Variants in DNAJA4 observed in about 807,000 individuals in gnomAD.
The protein encoded by DNAJA4 is dnaJ homolog subfamily A member 4.
Under a neutral mutation model 39.7 loss-of-function variants are expected in DNAJA4, and 32 were observed. The ratio of observed to expected loss-of-function variants is 0.81; its 90% CI spans 0.61 to 1.08. DNAJA4 has a LOEUF of 1.08. Among genes scored for constraint, DNAJA4 ranks in the 50% least tolerant of loss-of-function variants. The pLI is 0.00. For missense variants in DNAJA4, 439 were observed against 505.1 expected (o/e 0.87, Z 1.25); for synonymous variants, 184 against 182.4 (o/e 1.01, Z -0.07).
In DNAJA4 at chr15:78,281,513, C is replaced by T. The variant is rs1443194415; in HGVS notation, c.*1053C>T. On this transcript the variant is annotated 3_prime_UTR_variant, in exon 7 of 7. Transcript: ENST00000394852. Reference sequence around the variant, plus strand: ...TGCTCAAGTGATGTTTTGGTAAGAACTTCGCTGAGTTCCACTGTGGATTAC... The same window carrying T: ...TGCTCAAGTGATGTTTTGGTAAGAATTTCGCTGAGTTCCACTGTGGATTAC... 6 of 152,236 alleles carry T rather than the reference C, an allele frequency of 3.9e-5. No individual in the cohort carries two copies. The highest frequency in any genetic ancestry group is 1.5e-5 in the Non-Finnish European group (1 of 68,054). The allele number at this position is 152,236 out of a possible 1,614,324, so 9.4% of individuals were successfully genotyped here.
At chr15:78,277,453 T>C (rs1490694697) in intron 5 of DNAJA4, among the ~76,000 whole-genome samples, 1 of 152,178 alleles carries the variant, frequency 6.6e-6, no homozygotes, top group Non-Finnish European at 1.5e-5. Flanking sequence ...AAATTTAAAA[T>C]AAAACACCTT....
At chr15:78,274,996 T>C (rs2049409503) in intron 4 of DNAJA4, 1 of 174,774 alleles carries the variant, frequency 5.7e-6, no homozygotes, top group Admixed American at 5.5e-5. Context: ...AGTAAATATA[T>C]CCTAGATCAG....
chr15:78,264,223 C>A (rs1018401464), upstream of DNAJA4: 4 of 949,046 alleles, frequency 4.2e-6, no homozygotes, highest in Non-Finnish European at 5.7e-6. Context: ...GCTCCACGGA[C>A]CCACGGAAGG....
chr15:78,272,440 T>C (rs574342304), intron 2 of DNAJA4, among the ~76,000 whole-genome samples: 1 of 152,336 alleles, frequency 6.6e-6, no homozygotes, highest in East Asian at 1.9e-4. Flanking sequence ...TCTCTCAAAG[T>C]TGGCAGCCAG....
chr15:78,265,191 G>A lies in DNAJA4; in HGVS notation c.132+296G>A, dbSNP rs139531610. ...CACAAGTGTTTGGGTAGCCCCTGCCGTGCGCGCCGGACTAGTTCTCATAGG... is the reference window on the plus strand; with the variant it reads ...CACAAGTGTTTGGGTAGCCCCTGCCATGCGCGCCGGACTAGTTCTCATAGG... On this transcript the variant is annotated intron_variant, in intron 1 of 6. Transcript: ENST00000394852. Among the ~76,000 whole-genome samples, 79 of 152,344 alleles carry A rather than the reference G, an allele frequency of 5.2e-4. 1 individual carries two copies. The East Asian group carries it at 7.7e-3, about 15-fold the overall frequency.
At position 78,264,681 on chromosome 15, in the gene DNAJA4, G is replaced by C; in HGVS notation, c.-83G>C. ...ACGCGCGAGCGGGCGGCGGGGGCGC[G>C]GGCCAGGGGCGCGGGCCAGGGTGCC... On this transcript the variant is annotated 5_prime_UTR_variant, in exon 1 of 7. Transcript: ENST00000394852. 9.7e-7 allele frequency: 1 copy of C among 1,033,316 alleles called. No homozygotes were observed. The highest frequency in any genetic ancestry group is 1.2e-6 in the Non-Finnish European group (1 of 858,234). The allele number at this position is 1,033,316 out of a possible 1,614,324, so 64.0% of individuals were successfully genotyped here.
In DNAJA4 at chr15:78,270,628, C is replaced by T; in HGVS notation, c.264C>T (p.Ile88=). Reference sequence around the variant, plus strand: ...CCAGCTTCTCTTCACCCATGGACATCTTTGACATGTTCTTTGGTGGTGGTG... The same window carrying T: ...CCAGCTTCTCTTCACCCATGGACATTTTTGACATGTTCTTTGGTGGTGGTG... ...GSPSFSSPMD[I]FDMFFGGGGR... is the part of the protein sequence containing the mutation. Residue 88 remains isoleucine (I), a synonymous_variant, in exon 2 of 7, where the codon ATC becomes ATT. Coordinates refer to ENST00000394852, the MANE Select transcript of DNAJA4 (RefSeq NM_001130182.2). The T allele has an allele frequency of 2.5e-6, 4 of 1,614,180 alleles. No individual in the cohort carries two copies. The highest frequency in any genetic ancestry group is 3.4e-6 in the Non-Finnish European group (4 of 1,180,034).
chr15:78,264,511 A>G, upstream of DNAJA4: 1 of 1,236,162 alleles, frequency 8.1e-7, no homozygotes. Context: ...CTCCTTGCGG[A>G]AGCTTCCGCC....
chr15:78,272,661 A>G (rs1272377633), intron 2 of DNAJA4, among the ~76,000 whole-genome samples: 1 of 152,240 alleles, frequency 6.6e-6, no homozygotes, highest in East Asian at 1.9e-4. Flanking sequence ...CAGAAAGTAA[A>G]GTGCTTTATG....
upstream of DNAJA4, chr15:78,264,327 G>A: frequency 7.0e-7 from 1 of 1,418,860 alleles, no homozygotes; most frequent in Non-Finnish European, 9.2e-7. Context: ...GCCCGGGGCG[G>A]CAGTCAGAGC....
intron 5 of DNAJA4, chr15:78,277,772 C>T: frequency 3.0e-6 from 1 of 328,688 alleles, no homozygotes; most frequent in Non-Finnish European, 5.9e-6. Flanking sequence ...AGCCGGGAGC[C>T]AAATGGAGTG....
At chr15:78,268,669 G>T (rs1295699467) in intron 1 of DNAJA4, among the ~76,000 whole-genome samples, 2 of 152,156 alleles carry the variant, frequency 1.3e-5, no homozygotes, top group African/African-American at 2.4e-5. Context: ...GGAGGGCCAA[G>T]ATCCTACCTC....
intron 1 of DNAJA4, among the ~76,000 whole-genome samples, chr15:78,268,657 C>T (rs1338455149): frequency 1.3e-5 from 2 of 152,304 alleles, no homozygotes; most frequent in East Asian, 3.9e-4. Flanking sequence ...ACTGTAGCCT[C>T]TGGAGGGCCA....
At position 78,279,014 on chromosome 15, in the gene DNAJA4, C is replaced by T. The variant is rs1412297182; in HGVS notation, c.878-1031C>T. On this transcript the variant is annotated intron_variant, in intron 5 of 6. Transcript: ENST00000394852. The surrounding 1 kb of genome is among the most constrained non-coding windows in gnomAD (Gnocchi z 4.5). ...AAGAATAAACAGGAACACAAAAAGC[C>T]AGCAGCCTGGAGCAGTTTAGCTAAG... The T allele has an allele frequency of 6.6e-6, 1 of 152,182 alleles. No homozygotes were observed. Among genetic ancestry groups the T allele is most frequent in the Non-Finnish European group, 1.5e-5 (1 of 68,104 alleles). The allele number at this position is 152,182 out of a possible 1,614,324, so 9.4% of individuals were successfully genotyped here.
At chr15:78,274,531 T>C (rs777246840) in intron 4 of DNAJA4, 107 bp downstream of exon 4, 2 of 928,276 alleles carry the variant, frequency 2.2e-6, no homozygotes, top group East Asian at 2.6e-5. Context: ...TATCACAACA[T>C]GTATTGGGTG....
intron 2 of DNAJA4, among the ~76,000 whole-genome samples, chr15:78,271,606 GA>G: frequency 6.6e-6 from 1 of 152,256 alleles, no homozygotes; most frequent in East Asian, 1.9e-4. Context: ...GGTGAATGAG[GA>G]ACTTCTTAGC....
intron 1 of DNAJA4, chr15:78,266,146 C>G: frequency 2.2e-6 from 3 of 1,356,908 alleles, no homozygotes; most frequent in Non-Finnish European, 3.1e-6. Flanking sequence ...GATTCATCCA[C>G]CTGCTCCCTA....
rs910692890 is a variant in DNAJA4, at chr15:78,281,639, C to T, written c.*1179C>T. 3.3e-5 allele frequency: 5 copies of T among 152,174 alleles called. No homozygotes were observed. The highest frequency in any genetic ancestry group is 2.1e-4 in the South Asian group (1 of 4,826). The allele number at this position is 152,174 out of a possible 1,614,324, so 9.4% of individuals were successfully genotyped here. Reference sequence around the variant, plus strand: ...GACTACAATTCGAACTTAGGGTTACCTCAGTCTTTAGCCATTACTGCTTAT... The same window carrying T: ...GACTACAATTCGAACTTAGGGTTACTTCAGTCTTTAGCCATTACTGCTTAT... On this transcript the variant is annotated 3_prime_UTR_variant, in exon 7 of 7. Coordinates refer to ENST00000394852, the MANE Select transcript of DNAJA4 (RefSeq NM_001130182.2).
At chr15:78,267,153 A>AGTGT (rs1567114983) in intron 1 of DNAJA4, among the ~76,000 whole-genome samples, 9 of 147,318 alleles carry the variant, frequency 6.1e-5, no homozygotes, top group Middle Eastern at 3.4e-3. Flanking sequence ...TGTGTGTGTG[A>AGTGT]GTGTGTATGT....
Sources: gnomAD v4.1 joint callset for allele counts (sites outside exome capture counted in the v4.1 genomes callset) on GRCh38, gnomAD v4.1.1 for gene constraint, Gnocchi (gnomAD v3.1) non-coding constraint, MANE v1.5 for transcripts, NCBI Gene and HGNC (gene_info 2026-07-23, HGNC 2026-07-21) for gene names.